Variants in PRRX1 observed in about 807,000 individuals in gnomAD.
PRRX1 encodes paired related homeobox 1.
A neutral mutation model predicts 24.0 loss-of-function variants in PRRX1; 8 were observed. The ratio of observed to expected loss-of-function variants is 0.33; its 90% CI spans 0.20 to 0.60. PRRX1 has a LOEUF of 0.60. PRRX1 is among the 20% of genes least tolerant of loss of function. The pLI is 0.82. For synonymous variants in PRRX1, 160 were observed against 131.7 expected, an observed-to-expected ratio of 1.22 and a Z score of -1.47; for missense variants, 281 against 322.4, an observed-to-expected ratio of 0.87 and a Z score of 0.98.
At chr1:170,723,897 A>G (rs1655168522) in intron 2 of PRRX1, among the ~76,000 whole-genome samples, 1 of 152,108 alleles carries the variant, frequency 6.6e-6, no homozygotes, top group Non-Finnish European at 1.5e-5. Flanking sequence ...TCAAATAGCA[A>G]AAATTTGGTA....
chr1:170,726,415 C>T lies in PRRX1; in HGVS notation c.599+14C>T. 1.9e-6 allele frequency: 3 copies of T among 1,612,422 alleles called. No individual in the cohort carries two copies. The highest frequency in any genetic ancestry group is 1.3e-5 in the African/African-American group (1 of 74,974). On this transcript the variant is annotated intron_variant, in intron 3 of 3. Transcript: ENST00000239461. ...GTCTCCGTACAGGTGAATGACTGGC[C>T]CACTCTCCCTTGCTCCACTTCCACA...
intron 1 of PRRX1, among the ~76,000 whole-genome samples, chr1:170,705,873 T>A (rs1027398570): frequency 6.6e-6 from 1 of 151,748 alleles, no homozygotes; most frequent in African/African-American, 2.4e-5. Flanking sequence ...TGTTACCAGT[T>A]CAATTTTGGG....
At position 170,664,441 on chromosome 1, in the gene PRRX1, G is replaced by A; in HGVS notation, c.223G>A (p.Asp75Asn). Reference protein sequence around the residue: ...LESPGLTSGSDTPQQDNDQLN... With the variant: ...LESPGLTSGSNTPQQDNDQLN... ...GTCGCCGGGACTCACCAGCGGCAGC[G>A]ACACCCCGCAGCAGGACAGTGAGTG... is the stretch of plus-strand genomic sequence containing the variant. Residue 75 changes from aspartate (D) to asparagine (N), a missense_variant, in exon 1 of 4, where the codon GAC becomes AAC. Physicochemically the swap from Asp to Asn is conservative, Grantham distance 23. Transcript: ENST00000239461. 6.2e-7 allele frequency: 1 copy of A among 1,604,966 alleles called. No individual in the cohort carries two copies. The highest frequency in any genetic ancestry group is 8.5e-7 in the Non-Finnish European group (1 of 1,176,438).
intron 1 of PRRX1, among the ~76,000 whole-genome samples, chr1:170,694,458 T>C (rs1453761034): frequency 2.0e-5 from 3 of 152,186 alleles, no homozygotes; most frequent in Non-Finnish European, 2.9e-5. Flanking sequence ...TCTATGTGTA[T>C]GTGCATGCAA....
intron 1 of PRRX1, among the ~76,000 whole-genome samples, chr1:170,709,662 T>A (rs1327391193): frequency 1.3e-5 from 2 of 152,214 alleles, no homozygotes; most frequent in Non-Finnish European, 2.9e-5. Context: ...TATCTTGAAG[T>A]GCAGACAACA....
At chr1:170,706,946 T>C (rs1654588375) in intron 1 of PRRX1, among the ~76,000 whole-genome samples, 1 of 151,646 alleles carries the variant, frequency 6.6e-6, no homozygotes, top group Admixed American at 6.6e-5. Flanking sequence ...CTTGGCAACA[T>C]AGTGAGACCC....
chr1:170,726,479 C>T, intron 3 of PRRX1, 78 bp downstream of exon 3: 2 of 1,502,306 alleles, frequency 1.3e-6, no homozygotes, highest in Non-Finnish European at 9.2e-7. Context: ...GCTGCTTGTG[C>T]AGCTCACCGA....
At position 170,736,459 on chromosome 1, in the gene PRRX1, TAC is replaced by T. The variant is rs1292309738; in HGVS notation, c.*274_*275del. ...TCTTTCATTCATGCTTTGCTTAATG[TAC>T]TCCAGGCTTCTTCAGCTAGGTTCAG... On this transcript the variant is annotated 3_prime_UTR_variant, in exon 4 of 4. Transcript: ENST00000239461. 94 of 470,816 alleles carry T rather than the reference TAC, an allele frequency of 2.0e-4. No individual in the cohort carries two copies. Among genetic ancestry groups the T allele is most frequent in the African/African-American group, 1.8e-3 (91 of 51,404 alleles). 29.2% of individuals were successfully genotyped at this position (470,816 alleles called of 1,614,324 possible).
At chr1:170,719,667 T>A in intron 1 of PRRX1, 59 bp from the exon 2 acceptor site, 2 of 1,559,658 alleles carry the variant, frequency 1.3e-6, no homozygotes, top group Non-Finnish European at 1.8e-6. Context: ...CATAAAAAAG[T>A]CTTAACTGGG....
chr1:170,671,515 T>C (rs2101885246), intron 1 of PRRX1, among the ~76,000 whole-genome samples: 1 of 152,358 alleles, frequency 6.6e-6, no homozygotes, highest in Middle Eastern at 3.4e-3. Flanking sequence ...CCTCCTTGCC[T>C]TCTTTCGCCG....
intron 1 of PRRX1, among the ~76,000 whole-genome samples, chr1:170,685,141 G>T (rs1162503700): frequency 6.6e-6 from 1 of 152,176 alleles, no homozygotes; most frequent in Non-Finnish European, 1.5e-5. Flanking sequence ...TTGGACCAAG[G>T]CTTATTTGAG....
At chr1:170,705,965 C>CAA (rs1330128267) in intron 1 of PRRX1, among the ~76,000 whole-genome samples, 2 of 145,672 alleles carry the variant, frequency 1.4e-5, no homozygotes, top group East Asian at 4.0e-4. Flanking sequence ...CACACACACA[C>CAA]ACAAACATTT....
rs537156617 is a variant in PRRX1 at position 170,739,352 on chromosome 1, C to A, written c.*3166C>A. 5.6e-5 allele frequency: 10 copies of A among 177,940 alleles called. No homozygotes were observed. Among genetic ancestry groups the A allele is most frequent in the Non-Finnish European group, 1.1e-4 (9 of 82,682 alleles). The allele number at this position is 177,940 out of a possible 1,614,324, so 11.0% of individuals were successfully genotyped here. On this transcript the variant is annotated 3_prime_UTR_variant, in exon 4 of 4. Coordinates refer to ENST00000239461, the MANE Select transcript of PRRX1 (RefSeq NM_022716.4). The stretch of plus-strand genomic sequence containing the variant: ...TATGTTGTAAAATATACATTGTTTG[C>A]GCTAGAATAGAAATGATTTCTTTTC...
intron 1 of PRRX1, among the ~76,000 whole-genome samples, chr1:170,678,423 G>A (rs1018877921): frequency 6.6e-6 from 1 of 152,220 alleles, no homozygotes; most frequent in Non-Finnish European, 1.5e-5. Flanking sequence ...TTTATTGCAA[G>A]GCTAGTGTGC....
At chr1:170,673,582 C>T (rs1558043762) in intron 1 of PRRX1, among the ~76,000 whole-genome samples, 1 of 152,216 alleles carries the variant, frequency 6.6e-6, no homozygotes, top group Non-Finnish European at 1.5e-5. Context: ...CAAGACTCTC[C>T]ATTGGAGCTG....
intron 1 of PRRX1, among the ~76,000 whole-genome samples, chr1:170,704,372 C>T (rs1405889894): frequency 6.6e-6 from 1 of 152,168 alleles, no homozygotes; most frequent in Non-Finnish European, 1.5e-5. Flanking sequence ...TAGATTTCTA[C>T]TTATTTTTCT....
intron 3 of PRRX1, chr1:170,727,865 T>G (rs1655307028): frequency 6.6e-6 from 1 of 152,208 alleles, no homozygotes; most frequent in South Asian, 2.1e-4. Flanking sequence ...CTATAAGATT[T>G]ACTACAAATA....
At chr1:170,706,019 A>G (rs1424578638) in intron 1 of PRRX1, among the ~76,000 whole-genome samples, 1 of 151,966 alleles carries the variant, frequency 6.6e-6, no homozygotes, top group East Asian at 1.9e-4. Flanking sequence ...AGATTTTTTA[A>G]AAACTCTGGA....
At position 170,737,382 on chromosome 1, in the gene PRRX1, G is replaced by C. The variant is rs1160321873; in HGVS notation, c.*1196G>C. On this transcript the variant is annotated 3_prime_UTR_variant, in exon 4 of 4. Coordinates refer to ENST00000239461, the MANE Select transcript of PRRX1 (RefSeq NM_022716.4). Reference sequence around the variant, plus strand: ...AGAACAGGTCCCATTTTCACATTAGGGCTTTAAATGAATTAGAAACTATTT... The same window carrying C: ...AGAACAGGTCCCATTTTCACATTAGCGCTTTAAATGAATTAGAAACTATTT... 5.2e-6 allele frequency: 1 copy of C among 192,428 alleles called. No individual in the cohort carries two copies. Among genetic ancestry groups the C allele is most frequent in the Non-Finnish European group, 1.1e-5 (1 of 92,258 alleles). 11.9% of individuals were successfully genotyped at this position (192,428 alleles called of 1,614,324 possible).
Sources: gnomAD v4.1 joint callset for allele counts (sites outside exome capture counted in the v4.1 genomes callset) on GRCh38, gnomAD v4.1.1 for gene constraint, MANE v1.5 for transcripts, NCBI Gene and HGNC (gene_info 2026-07-23, HGNC 2026-07-21) for gene names.